STIM2: variants seen among roughly 807,000 people sequenced by gnomAD.
The protein encoded by STIM2 is stromal interaction molecule 2.
A neutral mutation model predicts 85.8 loss-of-function variants in STIM2; 31 were observed. That is an observed-to-expected ratio of 0.36 (90% CI 0.27 to 0.49). The LOEUF (loss-of-function observed/expected upper bound fraction) is 0.49. Ranked by LOEUF, STIM2 falls within the 20% of genes least tolerant of loss-of-function variation. The probability of loss-of-function intolerance (pLI) is 0.98; values close to 1 mark genes in which losing one functional copy is unlikely to be tolerated. For synonymous variants in STIM2, 356 were observed against 331.1 expected (o/e 1.08, Z -0.82); for missense variants, 841 against 927.6 (o/e 0.91, Z 1.21).
Position 27,024,931 on chromosome 4 carries a change from G to A in STIM2, c.*1935G>A, listed in dbSNP as rs1560246000. On this transcript the variant is annotated 3_prime_UTR_variant, in exon 12 of 12. Transcript: ENST00000467087. ...ATGAATAGAGAAGGGAAAAGTTGCT[G>A]GAGCACGGAGTGAAGATGGGAGGAG... 1 of 152,242 alleles carries A rather than the reference G, an allele frequency of 6.6e-6. No homozygotes were observed. The highest frequency in any genetic ancestry group is 1.5e-5 in the Non-Finnish European group (1 of 68,062). 9.4% of individuals were successfully genotyped at this position (152,242 alleles called of 1,614,324 possible).
intron 3 of STIM2, among the ~76,000 whole-genome samples, chr4:26,966,758 T>C (rs1726741025): frequency 6.6e-6 from 1 of 152,138 alleles, no homozygotes; most frequent in African/African-American, 2.4e-5. Context: ...AGGAAATGAA[T>C]GATAAAAATA....
intron 1 of STIM2, among the ~76,000 whole-genome samples, chr4:26,876,362 G>A (rs542774004): frequency 1.3e-5 from 2 of 152,064 alleles, no homozygotes; most frequent in African/African-American, 2.4e-5. Flanking sequence ...CCACTTTTGA[G>A]TCACAGGAAT....
intron 7 of STIM2, among the ~76,000 whole-genome samples, 191 bp downstream of exon 7, chr4:27,003,295 G>A (rs1728221296): frequency 6.6e-6 from 1 of 152,178 alleles, no homozygotes; most frequent in Non-Finnish European, 1.5e-5. Flanking sequence ...GTAACTGAAA[G>A]ATAGTTACCA....
At chr4:26,883,376 G>A (rs1044099871) in intron 1 of STIM2, among the ~76,000 whole-genome samples, 1 of 151,948 alleles carries the variant, frequency 6.6e-6, no homozygotes, top group African/African-American at 2.4e-5. Flanking sequence ...TCAAGGTCAT[G>A]GTAAGGATTA....
At chr4:26,861,935 C>T (rs1722223022) in intron 1 of STIM2, among the ~76,000 whole-genome samples, 1 of 152,028 alleles carries the variant, frequency 6.6e-6, no homozygotes, top group Non-Finnish European at 1.5e-5. Context: ...GTTTACAGTG[C>T]ATTTTTTGCG....
intron 1 of STIM2, among the ~76,000 whole-genome samples, chr4:26,872,262 A>G (rs930404667): frequency 1.3e-5 from 2 of 152,346 alleles, no homozygotes; most frequent in Admixed American, 6.5e-5. Flanking sequence ...CTGTAGAAAT[A>G]TGAAGCTAAG....
chr4:26,864,745 A>G (rs980646640), intron 1 of STIM2, among the ~76,000 whole-genome samples: 2 of 152,184 alleles, frequency 1.3e-5, no homozygotes, highest in Non-Finnish European at 1.5e-5. Context: ...ATTAAGATTT[A>G]ATATATTCTT....
chr4:26,913,109 G>A (rs1035600930), intron 1 of STIM2, among the ~76,000 whole-genome samples: 1 of 152,080 alleles, frequency 6.6e-6, no homozygotes, highest in Non-Finnish European at 1.5e-5. Context: ...TCCTGTTTAT[G>A]TTTATTCTTG....
chr4:26,981,375 C>T (rs1217379764), intron 3 of STIM2, among the ~76,000 whole-genome samples: 1 of 152,308 alleles, frequency 6.6e-6, no homozygotes, highest in East Asian at 1.9e-4. Flanking sequence ...GAGAAAATCA[C>T]AAGCTACAAA....
chr4:26,888,167 C>G (rs769845800), intron 1 of STIM2, among the ~76,000 whole-genome samples: 1 of 152,186 alleles, frequency 6.6e-6, no homozygotes, highest in Non-Finnish European at 1.5e-5. Context: ...ATAGTTTAGA[C>G]AAGTTGATAC....
At chr4:26,871,704 C>CA (rs1722621924) in intron 1 of STIM2, among the ~76,000 whole-genome samples, 1 of 129,524 alleles carries the variant, frequency 7.7e-6, no homozygotes, top group Non-Finnish European at 1.6e-5. Context: ...TGTTTTCACC[C>CA]TTTTTTTTTT....
intron 1 of STIM2, among the ~76,000 whole-genome samples, chr4:26,915,469 A>G (rs942380070): frequency 1.3e-5 from 2 of 151,908 alleles, no homozygotes; most frequent in African/African-American, 4.8e-5. Context: ...TCCTGACCTC[A>G]GGTGATCCGC....
chr4:26,961,143 G>T (rs945377096), intron 3 of STIM2, among the ~76,000 whole-genome samples: 22 of 152,104 alleles, frequency 1.4e-4, no homozygotes, highest in Admixed American at 2.6e-4. Flanking sequence ...TGGATGGGGG[G>T]TTCTAGTAGA....
At chr4:26,863,474 TA>T (rs1352412013) in intron 1 of STIM2, among the ~76,000 whole-genome samples, 1 of 152,144 alleles carries the variant, frequency 6.6e-6, no homozygotes, top group Non-Finnish European at 1.5e-5. Context: ...ATGATGAAGT[TA>T]GAAAATATTG....
At chr4:26,988,105 A>G (rs1426868997) in intron 3 of STIM2, among the ~76,000 whole-genome samples, 1 of 152,240 alleles carries the variant, frequency 6.6e-6, no homozygotes, top group Non-Finnish European at 1.5e-5. Context: ...AAAGATGTAT[A>G]GTAAAATATA....
At chr4:26,965,469 A>G (rs1381078845) in intron 3 of STIM2, among the ~76,000 whole-genome samples, 1 of 152,074 alleles carries the variant, frequency 6.6e-6, no homozygotes, top group Non-Finnish European at 1.5e-5. Context: ...CTTTATTATC[A>G]AATAACTTTC....
rs1218101115 is a variant in STIM2 at position 27,007,663 on chromosome 4, A to G, written c.1112A>G (p.Gln371Arg). Residue 371 changes from glutamine to arginine, a missense_variant, in exon 8 of 12, where the codon CAA (glutamine) becomes CGA (arginine). This residue lies in a region of STIM2 where 408 missense variants were observed against 525.4 expected (regional missense o/e 0.78). Transcript: ENST00000467087. ...GTGCAATACTACAATATTAAAAGAC[A>G]AAACGCTGAAATGCAGCTAGCTATT... is the stretch of plus-strand genomic sequence containing the variant. 1.6e-5 allele frequency: 25 copies of G among 1,586,618 alleles called. No individual in the cohort carries two copies. The highest frequency in any genetic ancestry group is 2.1e-5 in the Non-Finnish European group (24 of 1,169,704).
chr4:27,024,043 T>A lies in STIM2; in HGVS notation c.*1047T>A, dbSNP rs570610074. ...AGAGCTGTGTAAGCTGTCTTGTTGCTTAGTTGCAATATAAGAAATAGTGAT... is the reference window on the plus strand; with the variant it reads ...AGAGCTGTGTAAGCTGTCTTGTTGCATAGTTGCAATATAAGAAATAGTGAT... On this transcript the variant is annotated 3_prime_UTR_variant, in exon 12 of 12. Transcript: ENST00000467087. 6.5e-6 allele frequency: 1 copy of A among 152,784 alleles called. No individual in the cohort carries two copies. The highest frequency in any genetic ancestry group is 1.9e-4 in the East Asian group (1 of 5,190). The allele number at this position is 152,784 out of a possible 1,614,324, so 9.5% of individuals were successfully genotyped here.
At chr4:27,009,129 CTTTT>C (rs1728474707) in intron 10 of STIM2, 127 bp downstream of exon 10, 9 of 705,618 alleles carry the variant, frequency 1.3e-5, no homozygotes, top group South Asian at 2.1e-5. Context: ...TTTTCTCTTT[CTTTT>C]TGTTAGTAAT....
Sources: gnomAD v4.1 joint callset for allele counts (sites outside exome capture counted in the v4.1 genomes callset) on GRCh38, gnomAD v4.1.1 for gene constraint, gnomAD v4.1.1 regional missense constraint, MANE v1.5 for transcripts, NCBI Gene and HGNC (gene_info 2026-07-23, HGNC 2026-07-21) for gene names.